The following MCF2L2 variants were observed in gnomAD, a reference collection of about 807,000 sequenced individuals.
MCF2L2 encodes the protein MCF.2 cell line derived transforming sequence-like 2, also known as probable guanine nucleotide exchange factor MCF2L2.
In MCF2L2, 102 loss-of-function variants were observed where a neutral mutation model predicts 150.2. That is an observed-to-expected ratio of 0.68 (90% CI 0.58 to 0.80). MCF2L2 has a LOEUF of 0.80. MCF2L2 is among the 30% of genes least tolerant of loss of function. The pLI is 0.00. For synonymous variants in MCF2L2, 465 were observed against 491.3 expected, an observed-to-expected ratio of 0.95 and a Z score of 0.71; for missense variants, 1,256 against 1,372.8, an observed-to-expected ratio of 0.91 and a Z score of 1.34.
At chr3:183,381,812 G>A (rs1447855931) in intron 2 of MCF2L2, among the ~76,000 whole-genome samples, 1 of 152,154 alleles carries the variant, frequency 6.6e-6, no homozygotes, top group East Asian at 1.9e-4. Flanking sequence ...TGACTGATGA[G>A]GATATTAACA....
chr3:183,277,378 T>G (rs977898844), intron 14 of MCF2L2, among the ~76,000 whole-genome samples: 13 of 149,402 alleles, frequency 8.7e-5, no homozygotes, highest in South Asian at 4.2e-4. Flanking sequence ...CCCTTAATCA[T>G]GAAGGGCTAT....
intron 6 of MCF2L2, among the ~76,000 whole-genome samples, chr3:183,318,613 T>C (rs994868975): frequency 2.0e-5 from 3 of 152,176 alleles, no homozygotes; most frequent in Non-Finnish European, 4.4e-5. Context: ...ATATGTACTG[T>C]ATATGTGTGG....
intron 1 of MCF2L2, among the ~76,000 whole-genome samples, chr3:183,399,202 A>G (rs541889431): frequency 6.6e-6 from 1 of 152,316 alleles, no homozygotes; most frequent in East Asian, 1.9e-4. Flanking sequence ...TAATTTATGC[A>G]TTATCTACTA....
chr3:183,350,433 C>G (rs1449423603), intron 3 of MCF2L2, among the ~76,000 whole-genome samples: 22 of 151,928 alleles, frequency 1.4e-4, no homozygotes, highest in Non-Finnish European at 4.4e-5. Flanking sequence ...CCCTCTTGTT[C>G]TTTTTAACAC....
intron 27 of MCF2L2, among the ~76,000 whole-genome samples, chr3:183,186,308 C>T (rs974905918): frequency 4.6e-5 from 7 of 152,150 alleles, no homozygotes; most frequent in African/African-American, 1.4e-4. Context: ...AGGAGAGGTG[C>T]GGTGGTACAA....
At chr3:183,335,342 T>C (rs1730433106) in intron 5 of MCF2L2, among the ~76,000 whole-genome samples, 1 of 143,524 alleles carries the variant, frequency 7.0e-6, no homozygotes, top group Non-Finnish European at 1.5e-5. Context: ...TTACAATACA[T>C]ATACAGAAGC....
At chr3:183,380,470 C>T (rs530875409) in intron 2 of MCF2L2, among the ~76,000 whole-genome samples, 21 of 152,262 alleles carry the variant, frequency 1.4e-4, no homozygotes, top group East Asian at 3.9e-4. Flanking sequence ...GGTGCAATAT[C>T]GGCTCACTGC....
At chr3:183,420,913 A>G (rs1383810437) in intron 1 of MCF2L2, among the ~76,000 whole-genome samples, 1 of 152,194 alleles carries the variant, frequency 6.6e-6, no homozygotes, top group South Asian at 2.1e-4. Flanking sequence ...TTACAATTCA[A>G]GGTGAGATTT....
chr3:183,315,589 C>T (rs1729572554), intron 7 of MCF2L2, among the ~76,000 whole-genome samples: 2 of 152,286 alleles, frequency 1.3e-5, no homozygotes, highest in South Asian at 4.1e-4. Flanking sequence ...CAACCCATAA[C>T]CTGAGAGAAG....
At chr3:183,337,394 T>C (rs1262207722) in intron 5 of MCF2L2, among the ~76,000 whole-genome samples, 1 of 151,758 alleles carries the variant, frequency 6.6e-6, no homozygotes, top group Non-Finnish European at 1.5e-5. Context: ...CCGTCTCTAC[T>C]GAAAATACAA....
At chr3:183,194,646 C>T (rs1711501633) in intron 26 of MCF2L2, among the ~76,000 whole-genome samples, 2 of 152,172 alleles carry the variant, frequency 1.3e-5, no homozygotes, top group Non-Finnish European at 2.9e-5. Context: ...TCTACCTCAA[C>T]TGGCAATACA....
chr3:183,300,135 T>A lies in MCF2L2; in HGVS notation c.1175A>T (p.His392Leu), dbSNP rs1343192697. 1.2e-6 allele frequency: 2 copies of A among 1,613,766 alleles called. No individual in the cohort carries two copies. Among genetic ancestry groups the A allele is most frequent in the African/African-American group, 2.7e-5 (2 of 74,886 alleles). ...LVGDQLIQSH[H>L]YAADAIRPRC... is the part of the protein sequence containing the mutation. ...GGGCCTGATGGCATCTGCTGCATAATGGTGGCTTTGGATGAGCTGGTCCCC... is the reference window on the plus strand; with the variant it reads ...GGGCCTGATGGCATCTGCTGCATAAAGGTGGCTTTGGATGAGCTGGTCCCC... The change falls in exon 11 of 30, where the codon CAT becomes CTT. Residue 392 changes from histidine to leucine, a missense_variant. His to Leu is a moderately conservative substitution (Grantham distance 99). Coordinates refer to ENST00000328913, the MANE Select transcript of MCF2L2 (RefSeq NM_015078.4).
intron 10 of MCF2L2, among the ~76,000 whole-genome samples, chr3:183,307,965 T>G (rs1171654072): frequency 6.6e-6 from 1 of 152,254 alleles, no homozygotes; most frequent in Non-Finnish European, 1.5e-5. Context: ...AGTCTTTGCA[T>G]GATTACACAG....
chr3:183,356,391 T>TATAC (rs1373418667), intron 3 of MCF2L2, among the ~76,000 whole-genome samples: 1 of 152,086 alleles, frequency 6.6e-6, no homozygotes, highest in Non-Finnish European at 1.5e-5. Context: ...CATGCACCTG[T>TATAC]AGTCCCAGCT....
intron 22 of MCF2L2, among the ~76,000 whole-genome samples, chr3:183,210,050 G>A (rs550131851): frequency 2.4e-4 from 36 of 151,956 alleles, no homozygotes; most frequent in African/African-American, 7.5e-4. Flanking sequence ...TTAAACATTC[G>A]ACGCATCTTA....
chr3:183,322,273 G>A (rs1272958361), intron 6 of MCF2L2, among the ~76,000 whole-genome samples: 8 of 152,198 alleles, frequency 5.3e-5, no homozygotes, highest in African/African-American at 1.4e-4. Flanking sequence ...TGCTTTCACA[G>A]ACAATACATC....
intron 5 of MCF2L2, among the ~76,000 whole-genome samples, chr3:183,323,977 A>C (rs568353907): frequency 1.3e-5 from 2 of 152,328 alleles, no homozygotes; most frequent in Admixed American, 1.3e-4. Context: ...ATTTTCAGTC[A>C]TAAGTTCCCA....
intron 15 of MCF2L2, among the ~76,000 whole-genome samples, chr3:183,240,963 A>G (rs1036328974): frequency 6.6e-6 from 1 of 152,260 alleles, no homozygotes; most frequent in Non-Finnish European, 1.5e-5. Flanking sequence ...ATGCCCTACT[A>G]TGAGCCTGGC....
chr3:183,315,938 G>C (rs538251153), intron 7 of MCF2L2, among the ~76,000 whole-genome samples: 1 of 152,104 alleles, frequency 6.6e-6, no homozygotes, highest in Non-Finnish European at 1.5e-5. Context: ...TCTGCTCTTC[G>C]ACCTCTCCAC....
Sources: gnomAD v4.1 joint callset for allele counts (sites outside exome capture counted in the v4.1 genomes callset) on GRCh38, gnomAD v4.1.1 for gene constraint, MANE v1.5 for transcripts, NCBI Gene and HGNC (gene_info 2026-07-23, HGNC 2026-07-21) for gene names.